The following FAM178B variants were observed in gnomAD, a reference collection of about 807,000 sequenced individuals.
FAM178B encodes the protein family with sequence similarity 178 member B, also known as protein FAM178B.
A neutral mutation model predicts 91.7 loss-of-function variants in FAM178B; 82 were observed. The observed-to-expected ratio is 0.89, with a 90% CI of 0.75 to 1.07. The LOEUF (loss-of-function observed/expected upper bound fraction) is 1.07, where lower values mean the gene tolerates loss of function less well. Among genes scored for constraint, FAM178B ranks in the 50% least tolerant of loss-of-function variants. The probability of loss-of-function intolerance (pLI) is 0.00; values close to 1 mark genes in which losing one functional copy is unlikely to be tolerated. For synonymous variants in FAM178B, 368 were observed against 359.4 expected (o/e 1.02, Z -0.27); for missense variants, 769 against 846.7 (o/e 0.91, Z 1.14).
At chr2:96,887,190 G>C (rs1238480088) in intron 14 of FAM178B, among the ~76,000 whole-genome samples, 1 of 151,764 alleles carries the variant, frequency 6.6e-6, no homozygotes, top group East Asian at 1.9e-4. Context: ...ACTCCAGCCT[G>C]GGCAACACAG....
At chr2:96,909,346 A>AT (rs1276635569) in intron 12 of FAM178B, among the ~76,000 whole-genome samples, 2 of 152,042 alleles carry the variant, frequency 1.3e-5, no homozygotes, top group Non-Finnish European at 2.9e-5. Context: ...ATTTTGCCAA[A>AT]ACCTGCCCTT....
Position 96,929,304 on chromosome 2 carries a change from C to T in FAM178B, c.1095G>A (p.Leu365=). The T allele has an allele frequency of 6.4e-7, 1 of 1,551,326 alleles. No individual in the cohort carries two copies. The highest frequency in any genetic ancestry group is 8.7e-7 in the Non-Finnish European group (1 of 1,146,690). The part of the protein sequence containing the change: ...IFLQPDEDKH[L]WCPSLQEVRE... ...TGACTTCTTGCAGTGAGGGGCACCA[C>T]AGGTGCTTGTCTTCATCTGTCAGGC... The change falls in exon 9 of 17, where the codon CTG becomes CTA. Residue 365 remains leucine (L), a synonymous_variant. Transcript: ENST00000490605.
rs562831744 is a variant in FAM178B at position 96,897,087 on chromosome 2, G to A, written c.1651-3036C>T. ...TCACCATGTTGGCCAGGCTGGTCTC[G>A]AACTCCTGACCTCAAGTGATCCACC... is the stretch of plus-strand genomic sequence containing the variant. On this transcript the variant is annotated intron_variant, in intron 13 of 16. Transcript: ENST00000490605. Among the ~76,000 whole-genome samples, 8 of 152,204 alleles carry A rather than the reference G, an allele frequency of 5.3e-5. No individual in the cohort carries two copies. The East Asian group carries it at 1.4e-3, about 26-fold the overall frequency.
At chr2:96,966,859 G>A (rs1574312811) in intron 5 of FAM178B, among the ~76,000 whole-genome samples, 1 of 152,280 alleles carries the variant, frequency 6.6e-6, no homozygotes, top group South Asian at 2.1e-4. Flanking sequence ...CAACCTGGAA[G>A]AGCGCTCTCA....
At chr2:96,899,409 G>A (rs1460625632) in intron 13 of FAM178B, among the ~76,000 whole-genome samples, 1 of 152,174 alleles carries the variant, frequency 6.6e-6, no homozygotes, top group Admixed American at 6.5e-5. Context: ...TGCTCAGCTA[G>A]TGTCTAATAA....
chr2:96,931,470 A>T (rs72942959), intron 8 of FAM178B, among the ~76,000 whole-genome samples: 2 of 152,184 alleles, frequency 1.3e-5, no homozygotes, highest in African/African-American at 4.8e-5. Context: ...CAAGACAAGG[A>T]ATATGAAATG....
chr2:96,974,227 A>C (rs2082259955), intron 1 of FAM178B, among the ~76,000 whole-genome samples: 3 of 150,350 alleles, frequency 2.0e-5, no homozygotes, highest in Admixed American at 2.0e-4. Flanking sequence ...CTAAAAATAC[A>C]AAAAATTAGC....
chr2:96,894,121 C>CGG, intron 13 of FAM178B, 70 bp from the exon 14 acceptor site: 1 of 1,528,264 alleles, frequency 6.5e-7, no homozygotes, highest in South Asian at 1.2e-5. Flanking sequence ...TCCCGGGAAT[C>CGG]GGCCTGGACA....
intron 6 of FAM178B, among the ~76,000 whole-genome samples, chr2:96,953,726 C>T (rs1216243576): frequency 6.6e-6 from 1 of 152,250 alleles, no homozygotes; most frequent in Non-Finnish European, 1.5e-5. Context: ...GAGGCAAGGA[C>T]TCCCCTCTGC....
intron 14 of FAM178B, among the ~76,000 whole-genome samples, chr2:96,891,855 G>A (rs935202301): frequency 6.6e-6 from 1 of 152,190 alleles, no homozygotes; most frequent in African/African-American, 2.4e-5. Context: ...GCGTCAAAAG[G>A]CAGAGGCTCA....
chr2:96,982,887 TTTTA>T (rs1445629702), intron 1 of FAM178B, among the ~76,000 whole-genome samples: 1 of 150,768 alleles, frequency 6.6e-6, no homozygotes, highest in African/African-American at 2.4e-5. Context: ...GTCTAATTTA[TTTTA>T]TTTTAGAGAT....
At chr2:96,969,886 G>T (rs1247370906) in intron 4 of FAM178B, among the ~76,000 whole-genome samples, 1 of 152,208 alleles carries the variant, frequency 6.6e-6, no homozygotes, top group African/African-American at 2.4e-5. Context: ...AACAGGGCTG[G>T]GAACTTTGAG....
At chr2:96,960,884 C>T (rs983997939) in intron 5 of FAM178B, among the ~76,000 whole-genome samples, 2 of 152,102 alleles carry the variant, frequency 1.3e-5, no homozygotes, top group African/African-American at 4.8e-5. Flanking sequence ...CGGCCAGTGT[C>T]GGGGACGGCA....
rs143840484 is a variant in FAM178B at position 96,968,295 on chromosome 2, C to T, written c.627-668G>A. ...ACTCCTGGGGCTCTGTTTTCCGCCA[C>T]CAGCCCCTGCGCGCCTCACTTCAAC... is the stretch of plus-strand genomic sequence containing the variant. On this transcript the variant is annotated intron_variant, in intron 4 of 16. Transcript: ENST00000490605. 1.6e-4 allele frequency among the ~76,000 whole-genome samples: 25 copies of T among 152,194 alleles called. No homozygotes were observed. In the East Asian group the frequency reaches 4.1e-3, roughly 25 times the overall value.
At chr2:96,907,596 G>A (rs1381924286) in intron 12 of FAM178B, among the ~76,000 whole-genome samples, 2 of 152,238 alleles carry the variant, frequency 1.3e-5, no homozygotes, top group African/African-American at 2.4e-5. Flanking sequence ...CACCCACCAA[G>A]GGCCTCCACA....
At chr2:96,897,868 C>A in intron 13 of FAM178B, 1 of 777,892 alleles carries the variant, frequency 1.3e-6, no homozygotes, top group Non-Finnish European at 1.6e-6. Context: ...GAAGTCAAAA[C>A]CCTCACCGTA....
chr2:96,959,198 T>TG lies in FAM178B; in HGVS notation c.887+1089dup, dbSNP rs1162753802. ...TGGGTGACAGAGCGAGACTCAGTTT[T>TG]GAAAAAAAAAAAAAAAAAAAAAAAA... On this transcript the variant is annotated intron_variant, in intron 6 of 16. Transcript: ENST00000490605. Among the ~76,000 whole-genome samples, 86 of 93,034 alleles carry TG rather than the reference T, an allele frequency of 9.2e-4. 2 individuals are homozygous for TG. The highest frequency in any genetic ancestry group is 4.9e-3 in the African/African-American group (73 of 15,042). The allele number at this position is 93,034 out of a possible 152,430, so 61.0% of individuals were successfully genotyped here.
rs150299026 is a variant in FAM178B at position 96,886,365 on chromosome 2, G to A, written c.1776+7561C>T. On this transcript the variant is annotated intron_variant, in intron 14 of 16. Transcript: ENST00000490605. ...GCCAATGAGACGCCATTCTGGTTACGATTCGAGGGCCGAAGCTCTTTCTTG... is the reference window on the plus strand; with the variant it reads ...GCCAATGAGACGCCATTCTGGTTACAATTCGAGGGCCGAAGCTCTTTCTTG... Among the ~76,000 whole-genome samples, 253 of 152,336 alleles carry A rather than the reference G, an allele frequency of 1.7e-3. 3 individuals carry two copies. Among genetic ancestry groups the A allele is most frequent in the South Asian group, 0.013 (61 of 4,830 alleles).
At position 96,921,215 on chromosome 2, in the gene FAM178B, G is replaced by T; in HGVS notation, c.1512C>A (p.His504Gln). ...CTLSWVSDHH[H>Q]NLLALVQFFP... ...AGAACTGCACGAGGGCCAGCAGGTT[G>T]TGGTGGTGGTCAGACACCCAGCTCA... Residue 504 changes from histidine (H) to glutamine (Q), a missense_variant, in exon 12 of 17, where the codon CAC (histidine) becomes CAA (glutamine). Coordinates refer to ENST00000490605, the MANE Select transcript of FAM178B (RefSeq NM_001122646.3). 6.4e-7 allele frequency: 1 copy of T among 1,551,652 alleles called. No homozygotes were observed. Among genetic ancestry groups the T allele is most frequent in the Non-Finnish European group, 8.7e-7 (1 of 1,146,980 alleles).
Sources: allele counts gnomAD v4.1 joint callset (sites outside exome capture counted in the v4.1 genomes callset), GRCh38; gene constraint gnomAD v4.1.1; transcripts MANE v1.5; gene names NCBI Gene and HGNC (gene_info 2026-07-23, HGNC 2026-07-21).